The following PIK3C2B variants were observed in gnomAD, a reference collection of about 807,000 sequenced individuals.
The protein encoded by PIK3C2B is phosphatidylinositol 4-phosphate 3-kinase C2 domain-containing subunit beta.
PIK3C2B carries 83 observed loss-of-function variants against 184.3 expected under a neutral mutation model. That is an observed-to-expected ratio of 0.45 (90% CI 0.38 to 0.54). PIK3C2B has a LOEUF of 0.54. PIK3C2B is among the 20% of genes least tolerant of loss of function. The probability of loss-of-function intolerance (pLI) is 0.00; values close to 1 mark genes in which losing one functional copy is unlikely to be tolerated. For synonymous variants in PIK3C2B, 779 were observed against 837.6 expected, an observed-to-expected ratio of 0.93 and a Z score of 1.21; for missense variants, 1,736 against 2,113.5, an observed-to-expected ratio of 0.82 and a Z score of 3.50.
chr1:204,442,977 A>ACAAAATCTCTCAG (rs1675753205), intron 19 of PIK3C2B, among the ~76,000 whole-genome samples: 1 of 152,280 alleles, frequency 6.6e-6, no homozygotes, highest in East Asian at 1.9e-4. Flanking sequence ...AAATCTCTCA[A>ACAAAATCTCTCAG]TTTTTAAATG....
In PIK3C2B at chr1:204,447,418, T is replaced by TG. The variant is rs772032830; in HGVS notation, c.2489+17dup. On this transcript the variant is annotated intron_variant, in intron 15 of 32. Transcript: ENST00000684373. This position sits in a 1 kb window ranked among gnomAD's most constrained non-coding sequence, Gnocchi z 4.1. ...GTCAGATGAAACATGACAGATTCAG[T>TG]GGGGGCCCGGGTCTCACCAGTACAA... 6.2e-7 allele frequency: 1 copy of TG among 1,607,626 alleles called. No individual in the cohort carries two copies. The highest frequency in any genetic ancestry group is 8.5e-7 in the Non-Finnish European group (1 of 1,175,076).
At position 204,464,109 on chromosome 1, in the gene PIK3C2B, T is replaced by C; in HGVS notation, c.1213A>G (p.Ile405Val). 1.2e-6 allele frequency: 2 copies of C among 1,614,096 alleles called. No individual in the cohort carries two copies. The highest frequency in any genetic ancestry group is 1.7e-6 in the Non-Finnish European group (2 of 1,179,962). Residue 405 changes from isoleucine (I) to valine (V), a missense_variant, in exon 5 of 33, where the codon ATC becomes GTC. Physicochemically the swap from Ile to Val is conservative, Grantham distance 29. Around this residue, in one of 8 missense-constraint regions of PIK3C2B, gnomAD observed 609 missense variants for 699.2 expected, o/e 0.87. Transcript: ENST00000684373. ...CNCSSTVDLL[I>V]YQTLCYTHDD... is the part of the protein sequence containing the mutation. ...TGGGTGTAGCACAGGGTCTGGTAGATAAGCAAGTCTACAGTGGAGGAACCT... is the reference window on the plus strand; with the variant it reads ...TGGGTGTAGCACAGGGTCTGGTAGACAAGCAAGTCTACAGTGGAGGAACCT...
intron 1 of PIK3C2B, among the ~76,000 whole-genome samples, chr1:204,472,142 G>C (rs976668182): frequency 7.4e-5 from 11 of 148,798 alleles, no homozygotes; most frequent in Non-Finnish European, 1.5e-4. Context: ...AACCCCAGCT[G>C]CAACATTAGC....
intron 8 of PIK3C2B, among the ~76,000 whole-genome samples, chr1:204,458,546 T>A (rs943634560): frequency 9.3e-5 from 14 of 149,852 alleles, no homozygotes; most frequent in Non-Finnish European, 1.6e-4. Context: ...CAGGCTAGAG[T>A]GCAATGGCGC....
rs2103478008 is a variant in PIK3C2B, at chr1:204,438,988, G to T, written c.3463C>A (p.Pro1155Thr). ...HGVTGSFKDR[P>T]LADWLQKHNP... is the part of the protein sequence containing the mutation. Reference sequence around the variant, plus strand: ...TGTTTCTGCAGCCAGTCTGCCAGGGGCCGGTCCTTGAACGAGCCGGTCACC... The same window carrying T: ...TGTTTCTGCAGCCAGTCTGCCAGGGTCCGGTCCTTGAACGAGCCGGTCACC... Residue 1155 changes from proline to threonine, a missense_variant, in exon 23 of 33, where the codon CCC becomes ACC. Coordinates refer to ENST00000684373, the MANE Select transcript of PIK3C2B (RefSeq NM_001377334.1). 3 of 1,614,134 alleles carry T rather than the reference G, an allele frequency of 1.9e-6. No individual in the cohort carries two copies. The highest frequency in any genetic ancestry group is 1.3e-5 in the African/African-American group (1 of 75,054).
At chr1:204,438,413 C>T (rs1281834109) in intron 23 of PIK3C2B, among the ~76,000 whole-genome samples, 1 of 152,206 alleles carries the variant, frequency 6.6e-6, no homozygotes. Flanking sequence ...TGTTTTCACT[C>T]GTCTCTGTCT....
At chr1:204,468,837 AGGAAGGC>A in intron 2 of PIK3C2B, 26 bp downstream of exon 2, 2 of 1,523,840 alleles carry the variant, frequency 1.3e-6, no homozygotes, top group Non-Finnish European at 1.8e-6. Context: ...ACATGGAGAA[AGGAAGGC>A]AGAAGAAACA....
intron 1 of PIK3C2B, among the ~76,000 whole-genome samples, chr1:204,475,198 C>CTCTCTGATT (rs779938766): frequency 2.0e-5 from 3 of 152,106 alleles, no homozygotes; most frequent in Non-Finnish European, 4.4e-5. Context: ...ATTTCAAAGG[C>CTCTCTGATT]TCTCTGATTT....
rs80090117 is a variant in PIK3C2B, at chr1:204,484,191, TC to T, written c.-85+10164del. 4.2e-3 allele frequency among the ~76,000 whole-genome samples: 638 copies of T among 152,090 alleles called. 1 individual carries two copies. The highest frequency in any genetic ancestry group is 6.5e-3 in the Non-Finnish European group (444 of 67,994). On this transcript the variant is annotated intron_variant, in intron 1 of 32. Transcript: ENST00000684373. ...AGAAGGAAGGAAATATACCTTTTTT[TC>T]CCCCCTCTGGTATTTTGTGCCAGGT...
intron 7 of PIK3C2B, 57 bp from the exon 8 acceptor site, chr1:204,459,998 T>A (rs1655193612): frequency 7.0e-7 from 1 of 1,435,852 alleles, no homozygotes; most frequent in Non-Finnish European, 9.7e-7. Context: ...CCCAGTGCCC[T>A]GGGAAACCCA....
At position 204,447,719 on chromosome 1, in the gene PIK3C2B, T is replaced by A. The variant is rs930268516; in HGVS notation, c.2347-141A>T. ...TCTTTGTAAAATAGCCCTGTTAGAC[T>A]TGGTGATCTCTAAAGTCCTTTCCAG... On this transcript the variant is annotated intron_variant, in intron 14 of 32. Coordinates refer to ENST00000684373, the MANE Select transcript of PIK3C2B (RefSeq NM_001377334.1). The surrounding 1 kb of genome is among the most constrained non-coding windows in gnomAD (Gnocchi z 4.1). The A allele has an allele frequency of 2.1e-5, 13 of 611,772 alleles. No homozygotes were observed. The highest frequency in any genetic ancestry group is 3.8e-5 in the Non-Finnish European group (13 of 346,220). 37.9% of individuals were successfully genotyped at this position (611,772 alleles called of 1,614,324 possible).
At chr1:204,487,312 C>G (rs1165113125) in intron 1 of PIK3C2B, among the ~76,000 whole-genome samples, 1 of 152,206 alleles carries the variant, frequency 6.6e-6, no homozygotes, top group Non-Finnish European at 1.5e-5. Flanking sequence ...TTCCATTGCT[C>G]AAGATGAACA....
At chr1:204,465,456 AC>A (rs1655681541) in intron 2 of PIK3C2B, 137 bp from the exon 3 acceptor site, 3 of 634,012 alleles carry the variant, frequency 4.7e-6, no homozygotes, top group Non-Finnish European at 8.6e-6. Flanking sequence ...GGGCACAAGA[AC>A]ATATGGGACA....
intron 12 of PIK3C2B, among the ~76,000 whole-genome samples, chr1:204,451,533 C>A (rs2942128): frequency 0.85 from 129,964 of 152,094 alleles, 58,288 homozygotes; most frequent in Non-Finnish European, 0.99. Flanking sequence ...ATTCAACAAC[C>A]TCATATCACA....
intron 19 of PIK3C2B, 55 bp downstream of exon 19, chr1:204,443,362 C>T: frequency 6.5e-7 from 1 of 1,528,980 alleles, no homozygotes; most frequent in East Asian, 2.3e-5. Context: ...TAAGAAGAAA[C>T]TGGCTGCCAA....
chr1:204,447,416 A>C lies in PIK3C2B; in HGVS notation c.2489+20T>G. The C allele has an allele frequency of 2.5e-6, 4 of 1,606,872 alleles. No homozygotes were observed. The highest frequency in any genetic ancestry group is 3.4e-6 in the Non-Finnish European group (4 of 1,174,392). On this transcript the variant is annotated intron_variant, in intron 15 of 32. Coordinates refer to ENST00000684373, the MANE Select transcript of PIK3C2B (RefSeq NM_001377334.1). The surrounding 1 kb of genome is among the most constrained non-coding windows in gnomAD (Gnocchi z 4.1). ...AGGTCAGATGAAACATGACAGATTC[A>C]GTGGGGGCCCGGGTCTCACCAGTAC... is the stretch of plus-strand genomic sequence containing the variant.
chr1:204,434,069 G>T, intron 24 of PIK3C2B, 120 bp from the exon 25 acceptor site: 2 of 767,248 alleles, frequency 2.6e-6, no homozygotes, highest in Non-Finnish European at 4.4e-6. Flanking sequence ...GATAGAAGGG[G>T]CTCTAACTTT....
chr1:204,447,720 T>G lies in PIK3C2B; in HGVS notation c.2347-142A>C. ...CTTTGTAAAATAGCCCTGTTAGACT[T>G]GGTGATCTCTAAAGTCCTTTCCAGC... On this transcript the variant is annotated intron_variant, in intron 14 of 32. Coordinates refer to ENST00000684373, the MANE Select transcript of PIK3C2B (RefSeq NM_001377334.1). This position sits in a 1 kb window ranked among gnomAD's most constrained non-coding sequence, Gnocchi z 4.1. 1.6e-6 allele frequency: 1 copy of G among 610,156 alleles called. No individual in the cohort carries two copies. Among genetic ancestry groups the G allele is most frequent in the Non-Finnish European group, 2.9e-6 (1 of 344,838 alleles). The allele number at this position is 610,156 out of a possible 1,614,324, so 37.8% of individuals were successfully genotyped here.
chr1:204,472,512 C>G (rs1198293338), intron 1 of PIK3C2B, among the ~76,000 whole-genome samples: 1 of 149,536 alleles, frequency 6.7e-6, no homozygotes, highest in East Asian at 2.1e-4. Context: ...GATACGGTGG[C>G]TCACGCCTAT....
Sources: gnomAD v4.1 joint callset for allele counts (sites outside exome capture counted in the v4.1 genomes callset) on GRCh38, gnomAD v4.1.1 for gene constraint, gnomAD v4.1.1 regional missense constraint, Gnocchi (gnomAD v3.1) non-coding constraint, MANE v1.5 for transcripts, NCBI Gene and HGNC (gene_info 2026-07-23, HGNC 2026-07-21) for gene names.